The following SLIT3 variants were observed in gnomAD, a reference collection of about 807,000 sequenced individuals.
SLIT3 encodes the protein slit homolog 3 protein.
Under a neutral mutation model 184.0 loss-of-function variants are expected in SLIT3, and 68 were observed. The observed-to-expected ratio is 0.37, with a 90% CI of 0.30 to 0.45. The LOEUF is 0.45. Among genes scored for constraint, SLIT3 ranks in the 20% least tolerant of loss-of-function variants. The pLI is 1.00. For synonymous variants in SLIT3, 831 were observed against 828.6 expected (o/e 1.00, Z -0.05); for missense variants, 1,707 against 2,026.0 (o/e 0.84, Z 3.02).
At chr5:169,014,946 A>G (rs1209012687) in intron 4 of SLIT3, among the ~76,000 whole-genome samples, 2 of 152,090 alleles carry the variant, frequency 1.3e-5, no homozygotes, top group African/African-American at 4.8e-5. Flanking sequence ...GCGAGACTCC[A>G]TCTCAAAAAA....
intron 12 of SLIT3, among the ~76,000 whole-genome samples, chr5:168,778,010 G>T (rs543826079): frequency 3.4e-4 from 52 of 152,300 alleles, no homozygotes; most frequent in Non-Finnish European, 6.3e-4. Flanking sequence ...AGTTCTATAA[G>T]GAATCCTGAA....
At chr5:169,176,475 C>T (rs1167177847) in intron 4 of SLIT3, among the ~76,000 whole-genome samples, 2 of 152,128 alleles carry the variant, frequency 1.3e-5, no homozygotes, top group East Asian at 3.9e-4. Flanking sequence ...GAGGCAGAAG[C>T]AATACAGAGT....
chr5:168,955,092 GGGT>G (rs1762777533), intron 4 of SLIT3, among the ~76,000 whole-genome samples: 1 of 151,686 alleles, frequency 6.6e-6, no homozygotes, highest in South Asian at 2.1e-4. Flanking sequence ...TGATGTTGGG[GGGT>G]GGTGGGGGTG....
At chr5:168,923,755 A>T (rs1471878165) in intron 4 of SLIT3, among the ~76,000 whole-genome samples, 2 of 152,128 alleles carry the variant, frequency 1.3e-5, no homozygotes, top group Non-Finnish European at 2.9e-5. Flanking sequence ...TGACCTCGTG[A>T]TCCACCCAAC....
At chr5:169,244,649 CA>C in intron 3 of SLIT3, 55 bp downstream of exon 3, 1 of 1,518,740 alleles carries the variant, frequency 6.6e-7, no homozygotes, top group Admixed American at 1.7e-5. Context: ...CAAAACAAAA[CA>C]AAAAACACTA....
chr5:168,741,496 A>G (rs1454778434), intron 20 of SLIT3, among the ~76,000 whole-genome samples: 1 of 151,040 alleles, frequency 6.6e-6, no homozygotes, highest in Non-Finnish European at 1.5e-5. Context: ...AAAAAAAAAA[A>G]GAAGACAAGA....
At chr5:168,737,878 C>A (rs1281005435) in intron 20 of SLIT3, among the ~76,000 whole-genome samples, 1 of 152,202 alleles carries the variant, frequency 6.6e-6, no homozygotes, top group Non-Finnish European at 1.5e-5. Flanking sequence ...TTTAAAAGGA[C>A]AGTTGCATGG....
At chr5:169,097,317 G>T (rs1315052953) in intron 4 of SLIT3, among the ~76,000 whole-genome samples, 1 of 152,056 alleles carries the variant, frequency 6.6e-6, no homozygotes, top group Non-Finnish European at 1.5e-5. Context: ...ATTACAGTTT[G>T]CTTGTGTTTT....
At chr5:168,841,739 G>A (rs1758260384) in intron 6 of SLIT3, among the ~76,000 whole-genome samples, 1 of 152,168 alleles carries the variant, frequency 6.6e-6, no homozygotes, top group Non-Finnish European at 1.5e-5. Context: ...CAGGGTTATT[G>A]CATGCGAAAT....
intron 4 of SLIT3, among the ~76,000 whole-genome samples, chr5:168,962,349 C>CACACACACACACG (rs1561576430): frequency 3.9e-5 from 6 of 152,038 alleles, no homozygotes; most frequent in African/African-American, 1.4e-4. Flanking sequence ...CACACACACA[C>CACACACACACACG]AGTGGTACCC....
chr5:169,160,511 T>A (rs764145376), intron 4 of SLIT3, among the ~76,000 whole-genome samples: 5 of 152,206 alleles, frequency 3.3e-5, no homozygotes, highest in African/African-American at 4.8e-5. Context: ...CTTTAATTCA[T>A]CAAGCATTTC....
intron 4 of SLIT3, among the ~76,000 whole-genome samples, chr5:169,116,075 C>A (rs891070598): frequency 3.9e-5 from 6 of 152,148 alleles, no homozygotes; most frequent in African/African-American, 1.4e-4. Context: ...CTCCCTGGGG[C>A]TGAGGCTGTC....
intron 4 of SLIT3, among the ~76,000 whole-genome samples, chr5:169,067,674 G>A (rs779160710): frequency 1.3e-5 from 2 of 152,198 alleles, no homozygotes; most frequent in Non-Finnish European, 2.9e-5. Context: ...AGATATTCCA[G>A]TTGGGTTAAA....
At chr5:169,040,588 C>T (rs1757414852) in intron 4 of SLIT3, among the ~76,000 whole-genome samples, 1 of 152,172 alleles carries the variant, frequency 6.6e-6, no homozygotes, top group South Asian at 2.1e-4. Flanking sequence ...TAGTGTAGAA[C>T]ATGATTGTGA....
intron 1 of SLIT3, among the ~76,000 whole-genome samples, chr5:169,263,217 C>T (rs940122501): frequency 1.4e-4 from 21 of 152,098 alleles, no homozygotes; most frequent in African/African-American, 4.8e-4. Flanking sequence ...TGGTACTTGC[C>T]TATAGTCCCA....
intron 32 of SLIT3, among the ~76,000 whole-genome samples, chr5:168,679,113 C>T (rs1244203925): frequency 5.9e-5 from 9 of 152,166 alleles, no homozygotes; most frequent in Non-Finnish European, 1.2e-4. Context: ...GGCTGCAGTG[C>T]GGTGGTGCAA....
At chr5:168,844,142 T>A (rs941888851) in intron 6 of SLIT3, among the ~76,000 whole-genome samples, 21 of 152,052 alleles carry the variant, frequency 1.4e-4, no homozygotes, top group Admixed American at 6.6e-5. Context: ...TTCAGGTAAT[T>A]CCAGCTGACC....
In SLIT3 at chr5:168,931,781, C is replaced by T. The variant is rs538092138; in HGVS notation, c.414-48445G>A. On this transcript the variant is annotated intron_variant, in intron 4 of 35. Coordinates refer to ENST00000519560, the MANE Select transcript of SLIT3 (RefSeq NM_003062.4). ...GGTGTATGATGAGGGTGTCTACTAG[C>T]ACACACCACTGCACAGGAAGAACTG... Among the ~76,000 whole-genome samples the T allele has an allele frequency of 4.7e-4, 72 of 152,300 alleles. 3 individuals are homozygous for T. In the South Asian group the frequency reaches 0.014, roughly 30 times the overall value.
At chr5:169,139,151 G>T (rs1278190749) in intron 4 of SLIT3, among the ~76,000 whole-genome samples, 2 of 152,184 alleles carry the variant, frequency 1.3e-5, no homozygotes, top group Non-Finnish European at 2.9e-5. Flanking sequence ...ACCAGCCTTG[G>T]GGGTAAGATT....
Sources: allele counts gnomAD v4.1 joint callset (sites outside exome capture counted in the v4.1 genomes callset), GRCh38; gene constraint gnomAD v4.1.1; transcripts MANE v1.5; gene names NCBI Gene and HGNC (gene_info 2026-07-23, HGNC 2026-07-21).